FRMD4A: variants seen among roughly 807,000 people sequenced by gnomAD.
FRMD4A encodes the protein FERM domain containing 4A, also known as FERM domain-containing protein 4A.
In FRMD4A, 29 loss-of-function variants were observed where a neutral mutation model predicts 129.1. The ratio of observed to expected loss-of-function variants is 0.22; its 90% confidence interval spans 0.17 to 0.31. The LOEUF is 0.31. Ranked by LOEUF, FRMD4A falls within the 10% of genes least tolerant of loss-of-function variation. FRMD4A has a pLI of 1.00. For synonymous variants in FRMD4A, 634 were observed against 571.6 expected (o/e 1.11, Z -1.56); for missense variants, 1,272 against 1,375.8 (o/e 0.92, Z 1.19).
At chr10:14,156,542 C>T (rs374136046) in intron 2 of FRMD4A, among the ~76,000 whole-genome samples, 1 of 152,072 alleles carries the variant, frequency 6.6e-6, no homozygotes, top group African/African-American at 2.4e-5. Context: ...GTAGCAGTTA[C>T]CCCTGGGAGG....
chr10:13,724,006 C>T (rs534571609), intron 12 of FRMD4A, among the ~76,000 whole-genome samples: 1 of 152,278 alleles, frequency 6.6e-6, no homozygotes, highest in East Asian at 1.9e-4. Flanking sequence ...CGTTGTAATA[C>T]CTGGGAGTGA....
In FRMD4A at chr10:13,968,774, A is replaced by G. The variant is rs1407096782; in HGVS notation, c.46-109862T>C. On this transcript the variant is annotated intron_variant, in intron 2 of 24. Coordinates refer to ENST00000357447, the MANE Select transcript of FRMD4A (RefSeq NM_018027.5). ...TGGCTCCATCACTTATTTAATCCCT[A>G]CAATGCATGAAGCTATCATTCCCAT... Among the ~76,000 whole-genome samples, 4 of 152,156 alleles carry G rather than the reference A, an allele frequency of 2.6e-5. No homozygotes were observed. In the East Asian group the frequency reaches 7.7e-4, roughly 29 times the overall value.
intron 5 of FRMD4A, among the ~76,000 whole-genome samples, chr10:13,793,868 C>A (rs936328247): frequency 1.3e-5 from 2 of 152,150 alleles, no homozygotes; most frequent in Non-Finnish European, 2.9e-5. Context: ...CGGAATTCAC[C>A]TATATAGAGA....
At chr10:14,251,799 C>T (rs2132021331) in intron 2 of FRMD4A, among the ~76,000 whole-genome samples, 1 of 152,254 alleles carries the variant, frequency 6.6e-6, no homozygotes, top group South Asian at 2.1e-4. Context: ...ACTTAACCTC[C>T]CTGTCCCTTC....
intron 2 of FRMD4A, among the ~76,000 whole-genome samples, chr10:14,149,695 T>A (rs984207458): frequency 1.3e-5 from 2 of 152,210 alleles, no homozygotes; most frequent in Non-Finnish European, 2.9e-5. Context: ...AAACACATTG[T>A]TGATTCATCA....
At chr10:14,130,083 T>C (rs2131826500) in intron 2 of FRMD4A, among the ~76,000 whole-genome samples, 1 of 152,232 alleles carries the variant, frequency 6.6e-6, no homozygotes, top group Admixed American at 6.5e-5. Flanking sequence ...CAGCCCAAGG[T>C]TCCCAGCCTC....
intron 2 of FRMD4A, among the ~76,000 whole-genome samples, chr10:14,190,703 A>C (rs921883035): frequency 2.0e-5 from 3 of 152,196 alleles, no homozygotes; most frequent in African/African-American, 7.2e-5. Flanking sequence ...ATTTTTGAGA[A>C]AAGAAAAGCT....
chr10:14,210,018 C>G (rs1026154065), intron 2 of FRMD4A, among the ~76,000 whole-genome samples: 1 of 152,160 alleles, frequency 6.6e-6, no homozygotes, highest in Non-Finnish European at 1.5e-5. Flanking sequence ...AGGAGCCAAC[C>G]CTGCAGGCAT....
At chr10:13,962,922 C>T (rs1329198076) in intron 2 of FRMD4A, among the ~76,000 whole-genome samples, 2 of 152,186 alleles carry the variant, frequency 1.3e-5, no homozygotes, top group African/African-American at 4.8e-5. Context: ...TCCCTTATGT[C>T]ATGTCAGATT....
intron 2 of FRMD4A, among the ~76,000 whole-genome samples, chr10:13,964,513 C>T (rs927630080): frequency 3.9e-5 from 6 of 151,926 alleles, no homozygotes; most frequent in Non-Finnish European, 5.9e-5. Context: ...GGACAGAGGT[C>T]GATTTGTCAT....
intron 2 of FRMD4A, among the ~76,000 whole-genome samples, chr10:13,859,974 T>C (rs2094271110): frequency 6.6e-6 from 1 of 152,084 alleles, no homozygotes; most frequent in Non-Finnish European, 1.5e-5. Context: ...TATCCAAAAA[T>C]AAATGGGCCG....
intron 2 of FRMD4A, among the ~76,000 whole-genome samples, chr10:13,875,680 C>G (rs374057363): frequency 1.8e-4 from 27 of 152,084 alleles, no homozygotes; most frequent in African/African-American, 6.3e-4. Flanking sequence ...GGAGAGAGAC[C>G]AAAGAAGGAT....
intron 2 of FRMD4A, among the ~76,000 whole-genome samples, chr10:14,295,335 T>A (rs1218461): frequency 0.21 from 31,758 of 152,182 alleles, 5,272 homozygotes; most frequent in African/African-American, 0.46. Flanking sequence ...TCACTTTTAT[T>A]TGATTTTTTT....
At chr10:14,039,399 C>CTATCTATCTATCTATCTATCTATCTATCT (rs1555021803) in intron 2 of FRMD4A, among the ~76,000 whole-genome samples, 1 of 143,124 alleles carries the variant, frequency 7.0e-6, no homozygotes, top group African/African-American at 2.9e-5. Context: ...TCCATCCATC[C>CTATCTATCTATCTATCTATCTATCTATCT]ATCCATCCAT....
chr10:14,082,022 G>A (rs1334219191), intron 2 of FRMD4A, among the ~76,000 whole-genome samples: 1 of 152,228 alleles, frequency 6.6e-6, no homozygotes, highest in Admixed American at 6.5e-5. Context: ...GCTGAGGCAG[G>A]TGGATCACGA....
chr10:13,865,159 G>A (rs1465884437), intron 2 of FRMD4A, among the ~76,000 whole-genome samples: 1 of 152,058 alleles, frequency 6.6e-6, no homozygotes, highest in African/African-American at 2.4e-5. Flanking sequence ...ATCTTTTTAA[G>A]CCTTGTTCCT....
chr10:13,867,776 T>A (rs2094390883), intron 2 of FRMD4A, among the ~76,000 whole-genome samples: 1 of 130,760 alleles, frequency 7.6e-6, no homozygotes, highest in Non-Finnish European at 1.6e-5. Context: ...TAATATGATA[T>A]ATAATAAATA....
chr10:13,908,845 T>C (rs1413327039), intron 2 of FRMD4A, among the ~76,000 whole-genome samples: 1 of 152,238 alleles, frequency 6.6e-6, no homozygotes, highest in African/African-American at 2.4e-5. Context: ...TCATGTGTAG[T>C]ATAAGTATAC....
At chr10:14,059,447 G>T (rs537485946) in intron 2 of FRMD4A, among the ~76,000 whole-genome samples, 1 of 147,576 alleles carries the variant, frequency 6.8e-6, no homozygotes, top group African/African-American at 2.5e-5. Flanking sequence ...TACAAGAAGA[G>T]ATGTCAGAGA....
Sources: allele counts gnomAD v4.1 joint callset (sites outside exome capture counted in the v4.1 genomes callset), GRCh38; gene constraint gnomAD v4.1.1; transcripts MANE v1.5; gene names NCBI Gene and HGNC (gene_info 2026-07-23, HGNC 2026-07-21).